The following SLF1 variants were observed in gnomAD, a reference collection of about 807,000 sequenced individuals.
The protein encoded by SLF1 is SMC5/6 complex localization factor 1, also known as SMC5-SMC6 complex localization factor protein 1.
A neutral mutation model predicts 123.0 loss-of-function variants in SLF1; 105 were observed. The ratio of observed to expected loss-of-function variants is 0.85; its 90% CI spans 0.73 to 1.00. SLF1 has a LOEUF of 1.00. Among genes scored for constraint, SLF1 ranks in the 50% least tolerant of loss-of-function variants. SLF1 has a pLI of 0.00. For synonymous variants in SLF1, 434 were observed against 406.6 expected (o/e 1.07, Z -0.81); for missense variants, 1,239 against 1,223.0 (o/e 1.01, Z -0.20).
At chr5:94,622,386 T>C (rs1226231330) in intron 1 of SLF1, among the ~76,000 whole-genome samples, 1 of 152,128 alleles carries the variant, frequency 6.6e-6, no homozygotes, top group Non-Finnish European at 1.5e-5. Context: ...TAACAAACAC[T>C]GAGAAACCAC....
chr5:94,645,201 T>G (rs1458836890), intron 5 of SLF1, among the ~76,000 whole-genome samples: 1 of 152,212 alleles, frequency 6.6e-6, no homozygotes, highest in Non-Finnish European at 1.5e-5. Flanking sequence ...AAGCCACTGA[T>G]GGGCTGACTC....
At position 94,692,101 on chromosome 5, in the gene SLF1, A is replaced by C. The variant is rs1464707363; in HGVS notation, c.2540A>C (p.Glu847Ala). The C allele has an allele frequency of 9.9e-6, 16 of 1,613,670 alleles. No individual in the cohort carries two copies. Among genetic ancestry groups the C allele is most frequent in the Non-Finnish European group, 1.4e-5 (16 of 1,179,708 alleles). ...AATGCTGGCTGGACGCCTTTGCATG[A>C]AGCCTGTAACTATGGCAACACAGTG... is the stretch of plus-strand genomic sequence containing the variant. ...KDNAGWTPLHEACNYGNTVCV... is the reference protein window; with the variant it reads ...KDNAGWTPLHAACNYGNTVCV... Residue 847 changes from glutamate (E) to alanine (A), a missense_variant, in exon 20 of 21, where the codon GAA (glutamate) becomes GCA (alanine). By Grantham distance (107) the Glu-to-Ala change is moderately radical. Coordinates refer to ENST00000265140, the MANE Select transcript of SLF1 (RefSeq NM_032290.4).
At position 94,695,601 on chromosome 5, in the gene SLF1, A is replaced by G; in HGVS notation, c.*289A>G. 1 of 174,388 alleles carries G rather than the reference A, an allele frequency of 5.7e-6. No homozygotes were observed. Among genetic ancestry groups the G allele is most frequent in the South Asian group, 1.8e-4 (1 of 5,484 alleles). The allele number at this position is 174,388 out of a possible 1,614,324, so 10.8% of individuals were successfully genotyped here. On this transcript the variant is annotated 3_prime_UTR_variant, in exon 21 of 21. Transcript: ENST00000265140. ...TTCTGAAAGTGATATTATATTGTAC[A>G]TGTAAAATTAATTTAAATATTTTTT...
chr5:94,661,016 G>T lies in SLF1; in HGVS notation c.1156-1282G>T, dbSNP rs143521935. ...GCTCTCTGGGTGGACAGGAATATCAGTGGGGCTCCGGGCTTAGGCACTGTT... is the reference window on the plus strand; with the variant it reads ...GCTCTCTGGGTGGACAGGAATATCATTGGGGCTCCGGGCTTAGGCACTGTT... On this transcript the variant is annotated intron_variant, in intron 9 of 20. Coordinates refer to ENST00000265140, the MANE Select transcript of SLF1 (RefSeq NM_032290.4). Among the ~76,000 whole-genome samples the T allele has an allele frequency of 1.7e-3, 260 of 152,294 alleles. 1 individual carries two copies. The highest frequency in any genetic ancestry group is 2.8e-3 in the Non-Finnish European group (188 of 68,020).
chr5:94,642,045 C>T (rs1225215669), intron 4 of SLF1, among the ~76,000 whole-genome samples: 1 of 152,222 alleles, frequency 6.6e-6, no homozygotes, highest in Admixed American at 6.5e-5. Flanking sequence ...ATTTTCCTAA[C>T]CCTTGCCTAA....
At chr5:94,648,154 G>A (rs1747278530) in intron 5 of SLF1, among the ~76,000 whole-genome samples, 1 of 152,152 alleles carries the variant, frequency 6.6e-6, no homozygotes, top group Admixed American at 6.5e-5. Context: ...CCACCTGCAA[G>A]TTACACTTAA....
chr5:94,648,699 CT>C (rs565850193), intron 5 of SLF1, among the ~76,000 whole-genome samples: 2,608 of 152,252 alleles, frequency 0.017, 43 homozygotes, highest in Non-Finnish European at 0.024. Flanking sequence ...GCAGGATGGT[CT>C]TGATCTTCTG....
In SLF1 at chr5:94,651,722, A is replaced by G. The variant is rs1747746966; in HGVS notation, c.759A>G (p.Glu253=). 8 of 1,521,924 alleles carry G rather than the reference A, an allele frequency of 5.3e-6. No individual in the cohort carries two copies. The highest frequency in any genetic ancestry group is 6.2e-6 in the Non-Finnish European group (7 of 1,136,200). 94.3% of individuals were successfully genotyped at this position (1,521,924 alleles called of 1,614,324 possible). The change falls in exon 7 of 21, where the codon GAA becomes GAG. Residue 253 remains glutamate (E), a synonymous_variant. Transcript: ENST00000265140. ...YRTQKEMQNH[E]DVNVGSILIQ... ...CGCAGAAAGAAATGCAAAATCATGA[A>G]GATGTTAATGTTGGTTCTATTTTGA...
chr5:94,693,536 T>G (rs1031142109), intron 20 of SLF1, among the ~76,000 whole-genome samples: 2 of 151,974 alleles, frequency 1.3e-5, no homozygotes, highest in African/African-American at 4.8e-5. Flanking sequence ...ATCTAATTGT[T>G]TTTGTTTTTA....
chr5:94,636,816 C>T (rs1290452130), intron 4 of SLF1, among the ~76,000 whole-genome samples: 2 of 144,514 alleles, frequency 1.4e-5, no homozygotes, highest in African/African-American at 5.2e-5. Flanking sequence ...CTCCTGGGTT[C>T]AAGCGAATCC....
intron 9 of SLF1, among the ~76,000 whole-genome samples, chr5:94,661,681 C>T (rs977004031): frequency 2.0e-5 from 3 of 151,826 alleles, no homozygotes; most frequent in African/African-American, 4.8e-5. Context: ...GGATTATAGG[C>T]GCCTGCCACC....
intron 4 of SLF1, among the ~76,000 whole-genome samples, chr5:94,642,820 AT>A (rs1026363087): frequency 6.0e-5 from 9 of 151,106 alleles, no homozygotes; most frequent in African/African-American, 1.9e-4. Flanking sequence ...ATCAAGGCTA[AT>A]TTTTTTTTAA....
At chr5:94,640,923 A>G (rs1207711771) in intron 4 of SLF1, among the ~76,000 whole-genome samples, 2 of 152,186 alleles carry the variant, frequency 1.3e-5, no homozygotes, top group Non-Finnish European at 2.9e-5. Context: ...TAATTTCAAC[A>G]TGTGGGTCAT....
rs1393387637 is a variant in SLF1, at chr5:94,649,461, T to C, written c.602T>C (p.Ile201Thr). ...ATTTTTACATACATACAGAAAGAAATTCAGAATGATGAAGATTCCCAAACC... is the reference window on the plus strand; with the variant it reads ...ATTTTTACATACATACAGAAAGAAACTCAGAATGATGAAGATTCCCAAACC... Reference protein sequence around the residue: ...YLGDFLLEKEIQNDEDSQTNS... With the variant: ...YLGDFLLEKETQNDEDSQTNS... The change falls in exon 6 of 21, where the codon ATT (isoleucine) becomes ACT (threonine). Residue 201 changes from isoleucine to threonine, a missense_variant. Ile to Thr is a moderately conservative substitution (Grantham distance 89, BLOSUM62 -1). Transcript: ENST00000265140. 4.0e-6 allele frequency: 6 copies of C among 1,493,468 alleles called. No homozygotes were observed. Among genetic ancestry groups the C allele is most frequent in the South Asian group, 3.9e-5 (3 of 76,688 alleles). 92.5% of individuals were successfully genotyped at this position (1,493,468 alleles called of 1,614,324 possible). A position where few individuals can be genotyped will look rare whatever the true frequency, so the allele number is the denominator to read the frequency against.
intron 1 of SLF1, among the ~76,000 whole-genome samples, chr5:94,623,156 T>TATAG (rs925041685): frequency 6.6e-6 from 1 of 152,194 alleles, no homozygotes; most frequent in African/African-American, 2.4e-5. Flanking sequence ...AAGAGTTCTA[T>TATAG]AAGTTTTCTT....
chr5:94,640,274 A>G (rs1357619872), intron 4 of SLF1, among the ~76,000 whole-genome samples: 1 of 152,068 alleles, frequency 6.6e-6, no homozygotes, highest in Non-Finnish European at 1.5e-5. Context: ...ATGGGTCGAC[A>G]GTTTTTTTCA....
intron 4 of SLF1, among the ~76,000 whole-genome samples, chr5:94,636,253 C>A (rs12653036): frequency 0.054 from 8,257 of 152,132 alleles, 391 homozygotes; most frequent in East Asian, 0.16. Flanking sequence ...TTATTATATA[C>A]CTTGGTATAC....
chr5:94,681,770 A>G (rs1239677397), intron 15 of SLF1, among the ~76,000 whole-genome samples: 14 of 151,372 alleles, frequency 9.2e-5, no homozygotes, highest in Non-Finnish European at 1.5e-5. Flanking sequence ...TTCTTGCGAT[A>G]GTTTACTGAG....
At chr5:94,622,650 A>G (rs1207184618) in intron 1 of SLF1, among the ~76,000 whole-genome samples, 1 of 152,142 alleles carries the variant, frequency 6.6e-6, no homozygotes, top group Non-Finnish European at 1.5e-5. Flanking sequence ...AATTTTCTAT[A>G]ATAAGTGCAT....
Sources: gnomAD v4.1 joint callset for allele counts (sites outside exome capture counted in the v4.1 genomes callset) on GRCh38, gnomAD v4.1.1 for gene constraint, MANE v1.5 for transcripts, NCBI Gene and HGNC (gene_info 2026-07-23, HGNC 2026-07-21) for gene names.